The following UNC5D variants were observed in gnomAD, a reference collection of about 807,000 sequenced individuals.
UNC5D encodes the protein netrin receptor UNC5D.
A neutral mutation model predicts 105.4 loss-of-function variants in UNC5D; 39 were observed. That is an observed-to-expected ratio of 0.37 (90% CI 0.29 to 0.48). The LOEUF is 0.48. Ranked by LOEUF, UNC5D falls within the 20% of genes least tolerant of loss-of-function variation. UNC5D has a pLI of 0.98. For missense variants in UNC5D, 991 were observed against 1,202.4 expected (o/e 0.82, Z 2.60); for synonymous variants, 452 against 450.4 (o/e 1.00, Z -0.04).
Position 35,259,966 on chromosome 8 carries a change from T to C in UNC5D, c.103+24079T>C, listed in dbSNP as rs573500462. ...GGAGGAGAAATAGTCCTTATCATTT[T>C]TCCCCCCAGGTTCATGCTAGGATAC... On this transcript the variant is annotated intron_variant, in intron 1 of 16. Coordinates refer to ENST00000404895, the MANE Select transcript of UNC5D (RefSeq NM_080872.4). 3.9e-5 allele frequency among the ~76,000 whole-genome samples: 6 copies of C among 152,246 alleles called. No individual in the cohort carries two copies. In the South Asian group the frequency reaches 8.3e-4, roughly 21 times the overall value.
chr8:35,375,900 T>C (rs1173321223), intron 1 of UNC5D, among the ~76,000 whole-genome samples: 3 of 152,176 alleles, frequency 2.0e-5, no homozygotes, highest in Non-Finnish European at 2.9e-5. Flanking sequence ...TATAATATGA[T>C]TTTCAATATG....
At chr8:35,440,351 C>T (rs1807315766) in intron 1 of UNC5D, among the ~76,000 whole-genome samples, 1 of 151,878 alleles carries the variant, frequency 6.6e-6, no homozygotes, top group Non-Finnish European at 1.5e-5. Flanking sequence ...CAAACTCAGC[C>T]CGGGTGTCTC....
At chr8:35,537,407 C>T (rs755485209) in intron 1 of UNC5D, among the ~76,000 whole-genome samples, 12 of 152,150 alleles carry the variant, frequency 7.9e-5, no homozygotes, top group South Asian at 2.1e-4. Context: ...GGGCAGGATA[C>T]GGTGGCTCAT....
chr8:35,743,065 C>T (rs369119101), intron 11 of UNC5D, among the ~76,000 whole-genome samples: 7 of 152,078 alleles, frequency 4.6e-5, no homozygotes, highest in East Asian at 3.8e-4. Context: ...ATCACCCAAG[C>T]GGTGTATACT....
chr8:35,504,915 C>G (rs1403591705), intron 1 of UNC5D, among the ~76,000 whole-genome samples: 4 of 152,176 alleles, frequency 2.6e-5, no homozygotes, highest in African/African-American at 7.2e-5. Context: ...GAAGAGACAA[C>G]TATGCCAAAC....
chr8:35,662,564 G>A (rs148844949), intron 4 of UNC5D, among the ~76,000 whole-genome samples: 98 of 152,270 alleles, frequency 6.4e-4, no homozygotes, highest in African/African-American at 2.2e-3. Flanking sequence ...TCATGATGGG[G>A]ACAGAAAGAT....
chr8:35,713,664 CTGAA>C (rs1442469583), intron 8 of UNC5D, among the ~76,000 whole-genome samples: 2 of 152,158 alleles, frequency 1.3e-5, no homozygotes, highest in South Asian at 2.1e-4. Flanking sequence ...GTAAACATGT[CTGAA>C]TGGGCACTAT....
chr8:35,498,593 A>T (rs1383142863), intron 1 of UNC5D, among the ~76,000 whole-genome samples: 1 of 152,088 alleles, frequency 6.6e-6, no homozygotes, highest in Non-Finnish European at 1.5e-5. Flanking sequence ...TGGGAAGGAA[A>T]ATGCAGGACT....
chr8:35,532,026 G>A (rs1245184955), intron 1 of UNC5D, among the ~76,000 whole-genome samples: 1 of 140,578 alleles, frequency 7.1e-6, no homozygotes, highest in Non-Finnish European at 1.5e-5. Flanking sequence ...TCTTTTAATT[G>A]GAGCATTTAG....
At chr8:35,778,283 G>A (rs1802348013) in intron 16 of UNC5D, among the ~76,000 whole-genome samples, 1 of 152,202 alleles carries the variant, frequency 6.6e-6, no homozygotes, top group African/African-American at 2.4e-5. Context: ...ACTACTCACA[G>A]TCACCTTGCA....
chr8:35,547,445 C>T (rs1052938353), intron 1 of UNC5D, among the ~76,000 whole-genome samples: 13 of 152,056 alleles, frequency 8.5e-5, no homozygotes, highest in Admixed American at 7.2e-4. Flanking sequence ...ATTACAGGCA[C>T]GTGCCACCAT....
At chr8:35,486,126 A>C (rs1471517842) in intron 1 of UNC5D, among the ~76,000 whole-genome samples, 2 of 152,208 alleles carry the variant, frequency 1.3e-5, no homozygotes, top group Non-Finnish European at 2.9e-5. Flanking sequence ...AGAGAGTGGC[A>C]TATCAATGAG....
Position 35,748,541 on chromosome 8 carries a change from G to A in UNC5D, c.1781G>A (p.Gly594Asp). Residue 594 changes from glycine to aspartate, a missense_variant, in exon 12 of 17, where the codon GGC becomes GAC. Physicochemically the swap from Gly to Asp is moderately conservative, Grantham distance 94 (BLOSUM62 -1). Coordinates refer to ENST00000404895, the MANE Select transcript of UNC5D (RefSeq NM_080872.4). ...CAACTGTGAAGCCTCCAGTCAGATG[G>A]CTCTGAGGTGCTCCTGAGTCCTGAA... is the stretch of plus-strand genomic sequence containing the variant. The part of the protein sequence containing the change: ...NQGEPSLQSD[G>D]SEVLLSPEVT... The A allele has an allele frequency of 6.2e-7, 1 of 1,613,678 alleles. No homozygotes were observed. Among genetic ancestry groups the A allele is most frequent in the Non-Finnish European group, 8.5e-7 (1 of 1,179,816 alleles).
intron 1 of UNC5D, among the ~76,000 whole-genome samples, chr8:35,499,736 A>C (rs1341309188): frequency 6.6e-6 from 1 of 152,198 alleles, no homozygotes; most frequent in East Asian, 1.9e-4. Flanking sequence ...AGCATGGAAC[A>C]GACCTGTCTT....
intron 1 of UNC5D, among the ~76,000 whole-genome samples, chr8:35,344,408 C>T (rs1811663262): frequency 6.6e-6 from 1 of 151,954 alleles, no homozygotes; most frequent in Non-Finnish European, 1.5e-5. Context: ...TTCATGTTCA[C>T]CTGCATTGGC....
intron 1 of UNC5D, among the ~76,000 whole-genome samples, chr8:35,345,729 C>CT (rs140870576): frequency 6.6e-6 from 1 of 151,812 alleles, no homozygotes; most frequent in Non-Finnish European, 1.5e-5. Flanking sequence ...ACATATTAGA[C>CT]TTTTTTTTAA....
At chr8:35,659,487 A>G (rs556915553) in intron 4 of UNC5D, among the ~76,000 whole-genome samples, 1 of 152,384 alleles carries the variant, frequency 6.6e-6, no homozygotes, top group African/African-American at 2.4e-5. Flanking sequence ...AGGTTTGTTT[A>G]CATTAATCAC....
At chr8:35,263,410 AT>A (rs200032396) in intron 1 of UNC5D, among the ~76,000 whole-genome samples, 30 of 149,126 alleles carry the variant, frequency 2.0e-4, no homozygotes, top group Middle Eastern at 7.0e-3. Context: ...AATTAAAAGC[AT>A]TTTTTTTTTA....
chr8:35,305,481 A>G (rs1260169977), intron 1 of UNC5D, among the ~76,000 whole-genome samples: 2 of 152,126 alleles, frequency 1.3e-5, no homozygotes, highest in African/African-American at 4.8e-5. Flanking sequence ...TTAGTAAAAT[A>G]CCATAGAATT....
Sources: gnomAD v4.1 joint callset for allele counts (sites outside exome capture counted in the v4.1 genomes callset) on GRCh38, gnomAD v4.1.1 for gene constraint, MANE v1.5 for transcripts, NCBI Gene and HGNC (gene_info 2026-07-23, HGNC 2026-07-21) for gene names.